RNF32: variants seen among roughly 807,000 people sequenced by gnomAD.
RNF32 encodes ring finger protein 32.
In RNF32, 36 loss-of-function variants were observed where a neutral mutation model predicts 41.0. That is an observed-to-expected ratio of 0.88 (90% CI 0.67 to 1.16). RNF32 has a LOEUF of 1.16. Among genes scored for constraint, RNF32 ranks in the 50% most tolerant of loss-of-function variants. The pLI is 0.00. For synonymous variants in RNF32, 154 were observed against 160.9 expected, an observed-to-expected ratio of 0.96 and a Z score of 0.32; for missense variants, 413 against 436.7, an observed-to-expected ratio of 0.95 and a Z score of 0.48.
At chr7:156,675,120 C>T (rs1314874148) in intron 7 of RNF32, among the ~76,000 whole-genome samples, 2 of 152,158 alleles carry the variant, frequency 1.3e-5, no homozygotes, top group African/African-American at 4.8e-5. Context: ...AGTGCAGACC[C>T]GAAGAGGCAG....
chr7:156,666,856 G>A (rs960026517), intron 7 of RNF32, among the ~76,000 whole-genome samples: 6 of 152,042 alleles, frequency 3.9e-5, no homozygotes, highest in Non-Finnish European at 7.4e-5. Flanking sequence ...ATTGAGGTAG[G>A]GTCTTTTATT....
chr7:156,646,222 G>T (rs1390704900), intron 3 of RNF32, among the ~76,000 whole-genome samples: 1 of 152,222 alleles, frequency 6.6e-6, no homozygotes, highest in Non-Finnish European at 1.5e-5. Flanking sequence ...CAAGCAATTA[G>T]TACAAACTGG....
rs1478340724 is a variant in RNF32 at position 156,670,310 on chromosome 7, T to G, written c.685-5386T>G. Among the ~76,000 whole-genome samples, 1 of 152,198 alleles carries G rather than the reference T, an allele frequency of 6.6e-6. No individual in the cohort carries two copies. The highest frequency in any genetic ancestry group is 1.5e-5 in the Non-Finnish European group (1 of 68,030). ...ATACACACACATTCTAGTCAGGCCC[T>G]GCCTTCAGCTCACTGAGGAGTCAGG... On this transcript the variant is annotated intron_variant, in intron 7 of 8. Transcript: ENST00000317955. This position sits in a 1 kb window ranked among gnomAD's most constrained non-coding sequence, Gnocchi z 4.3.
intron 7 of RNF32, 77 bp from the exon 8 acceptor site, chr7:156,675,619 G>A: frequency 8.1e-7 from 1 of 1,237,206 alleles, no homozygotes; most frequent in Non-Finnish European, 1.2e-6. Context: ...CAAAATAGAT[G>A]GTCAGGCTCG....
intron 7 of RNF32, chr7:156,659,065 C>G (rs1368645702): frequency 1.4e-6 from 2 of 1,392,312 alleles, no homozygotes; most frequent in Non-Finnish European, 1.8e-6. Flanking sequence ...TCCTCTTAAC[C>G]ACTATTTATG....
rs1390295281 is a variant in RNF32 at position 156,676,658 on chromosome 7, T to C, written c.*3T>C. 6.2e-7 allele frequency: 1 copy of C among 1,609,688 alleles called. No individual in the cohort carries two copies. Among genetic ancestry groups the C allele is most frequent in the East Asian group, 2.2e-5 (1 of 44,816 alleles). On this transcript the variant is annotated 3_prime_UTR_variant, in exon 9 of 9. Transcript: ENST00000317955. ...AGAAGAAGATTCTTGAATGTTGAAT[T>C]CATAGTCAAGGAAAGTTAGGTAATT...
chr7:156,663,223 C>T (rs528306332), intron 7 of RNF32, among the ~76,000 whole-genome samples: 1 of 152,264 alleles, frequency 6.6e-6, no homozygotes, highest in South Asian at 2.1e-4. Context: ...ACTAAAAACA[C>T]ATTGTTTTAG....
At chr7:156,663,325 G>A (rs1800907065) in intron 7 of RNF32, among the ~76,000 whole-genome samples, 1 of 152,114 alleles carries the variant, frequency 6.6e-6, no homozygotes, top group Non-Finnish European at 1.5e-5. Flanking sequence ...AAATATATGT[G>A]TGTGCACATA....
At chr7:156,642,090 A>G (rs547633456) in intron 1 of RNF32, among the ~76,000 whole-genome samples, 1 of 152,314 alleles carries the variant, frequency 6.6e-6, no homozygotes, top group South Asian at 2.1e-4. Flanking sequence ...CCTTAGAAAT[A>G]CATTTTGGAT....
chr7:156,673,922 AG>A (rs1176626756), intron 7 of RNF32, among the ~76,000 whole-genome samples: 5,778 of 150,410 alleles, frequency 0.038, 133 homozygotes, highest in East Asian at 0.12. Flanking sequence ...AAAAAAAAAA[AG>A]AAAAAGTGAA....
chr7:156,676,152 T>G, intron 8 of RNF32: 1 of 1,086,090 alleles, frequency 9.2e-7, no homozygotes, highest in Non-Finnish European at 1.3e-6. Context: ...CCCTTCAGTT[T>G]GAAATTCTGG....
chr7:156,665,396 C>T (rs1243141909), intron 7 of RNF32, among the ~76,000 whole-genome samples: 1 of 152,146 alleles, frequency 6.6e-6, no homozygotes, highest in Non-Finnish European at 1.5e-5. Flanking sequence ...ATTTTAGAAA[C>T]TGGAAATCTT....
At chr7:156,660,095 T>G (rs1035709079) in intron 7 of RNF32, 2 of 985,764 alleles carry the variant, frequency 2.0e-6, no homozygotes, top group African/African-American at 1.7e-5. Context: ...AACTGCTGCC[T>G]CCTCGTCCTG....
chr7:156,660,513 T>C (rs183427820), intron 7 of RNF32, among the ~76,000 whole-genome samples: 1 of 152,290 alleles, frequency 6.6e-6, no homozygotes, highest in African/African-American at 2.4e-5. Context: ...ACTGTATAAG[T>C]TGTTTTTTAT....
chr7:156,643,197 G>T (rs1797585878), intron 1 of RNF32: 1 of 152,290 alleles, frequency 6.6e-6, no homozygotes, highest in South Asian at 2.1e-4. Context: ...TAGATGAGGA[G>T]CCTGGGGCTC....
At chr7:156,663,567 T>C (rs1227821707) in intron 7 of RNF32, among the ~76,000 whole-genome samples, 5 of 152,238 alleles carry the variant, frequency 3.3e-5, no homozygotes, top group Non-Finnish European at 7.3e-5. Context: ...AGGAGTAGGA[T>C]TGGCTGTGCA....
chr7:156,673,650 C>G (rs931389973), intron 7 of RNF32, among the ~76,000 whole-genome samples: 3 of 152,282 alleles, frequency 2.0e-5, no homozygotes, highest in African/African-American at 7.2e-5. Flanking sequence ...AAACCCCAAC[C>G]CTTGTGGACT....
intron 7 of RNF32, among the ~76,000 whole-genome samples, chr7:156,665,452 T>A (rs1169319374): frequency 6.6e-6 from 1 of 152,214 alleles, no homozygotes; most frequent in African/African-American, 2.4e-5. Context: ...TATGGCAAAT[T>A]CTTAATGATC....
intron 6 of RNF32, 79 bp downstream of exon 6, chr7:156,658,331 A>G: frequency 8.8e-6 from 14 of 1,584,406 alleles, no homozygotes; most frequent in Non-Finnish European, 1.2e-5. Context: ...GAATAGTGGG[A>G]TTTTATCTCT....
Sources: gnomAD v4.1 joint callset for allele counts (sites outside exome capture counted in the v4.1 genomes callset) on GRCh38, gnomAD v4.1.1 for gene constraint, Gnocchi (gnomAD v3.1) non-coding constraint, MANE v1.5 for transcripts, NCBI Gene and HGNC (gene_info 2026-07-23, HGNC 2026-07-21) for gene names.